The following NPM2 variants were observed in gnomAD, a reference collection of about 807,000 sequenced individuals.
The protein encoded by NPM2 is nucleoplasmin-2.
A neutral mutation model predicts 32.0 loss-of-function variants in NPM2; 25 were observed. The observed-to-expected ratio is 0.78, with a 90% CI of 0.57 to 1.09. The LOEUF is 1.09. Ranked by LOEUF, NPM2 falls within the 50% of genes least tolerant of loss-of-function variation. The pLI, the probability that NPM2 is intolerant of heterozygous loss-of-function variation, is 0.00. For missense variants in NPM2, 282 were observed against 259.9 expected, an observed-to-expected ratio of 1.08 and a Z score of -0.58; for synonymous variants, 111 against 94.2, an observed-to-expected ratio of 1.18 and a Z score of -1.04.
chr8:22,032,761 A>T (rs947423826), intron 5 of NPM2, among the ~76,000 whole-genome samples: 2 of 152,066 alleles, frequency 1.3e-5, no homozygotes, highest in Non-Finnish European at 2.9e-5. Flanking sequence ...TACTAGTTCT[A>T]TCATGAGGGT....
chr8:22,027,403 C>T (rs993772994), intron 5 of NPM2, among the ~76,000 whole-genome samples: 2 of 152,184 alleles, frequency 1.3e-5, no homozygotes, highest in Non-Finnish European at 2.9e-5. Context: ...GACTCAGGAA[C>T]TTATTTCTGT....
rs749393761 is a variant in NPM2, at chr8:22,034,227, C to G, written c.483C>G (p.Val161=). 3 of 1,608,628 alleles carry G rather than the reference C, an allele frequency of 1.9e-6. No individual in the cohort carries two copies. In the East Asian group the frequency reaches 6.7e-5, roughly 36 times the overall value. The change falls in exon 7 of 10, where the codon GTC becomes GTG. Residue 161 remains valine, a synonymous_variant. Coordinates refer to ENST00000518119, the MANE Select transcript of NPM2 (RefSeq NM_001286680.2). ...ADISLEEQSP[V]KQVKRLVPQK... is the part of the protein sequence containing the mutation. ...TATCTCTGGAGGAGCAAAGCCCTGT[C>G]AAACAAGTCAAAAGGCTGGTGCCCC...
chr8:22,033,254 G>A (rs368627748), intron 6 of NPM2, 31 bp downstream of exon 6: 59 of 1,527,818 alleles, frequency 3.9e-5, no homozygotes, highest in African/African-American at 8.2e-5. Flanking sequence ...AGGAAGGTCC[G>A]TGAGTACCGT....
chr8:22,027,513 T>C (rs1169242434), intron 5 of NPM2, among the ~76,000 whole-genome samples: 10 of 152,136 alleles, frequency 6.6e-5, no homozygotes, highest in Non-Finnish European at 1.2e-4. Context: ...AATCCACATA[T>C]TCAATTTTTA....
In NPM2 at chr8:22,025,321, A is replaced by G. The variant is rs754356933; in HGVS notation, c.58+15A>G. On this transcript the variant is annotated intron_variant, in intron 3 of 9. Transcript: ENST00000518119. ...CGTGCTCTGGGGTGAGTGGGGACTC[A>G]GGCTCCTTCCCAGAGACACGCCCCA... 5 of 1,604,086 alleles carry G rather than the reference A, an allele frequency of 3.1e-6. No homozygotes were observed. The highest frequency in any genetic ancestry group is 1.1e-5 in the South Asian group (1 of 89,924).
chr8:22,034,433 C>T lies in NPM2; in HGVS notation c.532-77C>T. 5.6e-6 allele frequency: 8 copies of T among 1,416,084 alleles called. No individual in the cohort carries two copies. In the South Asian group the frequency reaches 7.2e-5, roughly 13 times the overall value. The allele number at this position is 1,416,084 out of a possible 1,614,324, so 87.7% of individuals were successfully genotyped here. On this transcript the variant is annotated intron_variant, in intron 7 of 9. Coordinates refer to ENST00000518119, the MANE Select transcript of NPM2 (RefSeq NM_001286680.2). ...GTTCTGGCCAGGAGCTCAGCGGGGA[C>T]CTTGTGGACTTTGGGAATCTGTTCT...
At position 22,033,358 on chromosome 8, in the gene NPM2, C is replaced by T. The variant is rs563225407; in HGVS notation, c.364+135C>T. ...TCCCCAAAGGCAACATGACAGCCAG[C>T]AGCCTGGACTGGAAGGCAAGGGCGC... On this transcript the variant is annotated intron_variant, in intron 6 of 9. Coordinates refer to ENST00000518119, the MANE Select transcript of NPM2 (RefSeq NM_001286680.2). 3.4e-5 allele frequency: 25 copies of T among 734,074 alleles called. 1 individual carries two copies. Among genetic ancestry groups the T allele is most frequent in the African/African-American group, 3.3e-4 (19 of 57,600 alleles). The allele number at this position is 734,074 out of a possible 1,614,324, so 45.5% of individuals were successfully genotyped here. A position where few individuals can be genotyped will look rare whatever the true frequency, so the allele number is the denominator to read the frequency against.
At position 22,025,501 on chromosome 8, in the gene NPM2, T is replaced by A; in HGVS notation, c.124T>A (p.Cys42Ser). The change falls in exon 4 of 10, where the codon TGC becomes AGC. Residue 42 changes from cysteine to serine, a missense_variant. Cys to Ser is a moderately radical substitution (Grantham distance 112). Transcript: ENST00000518119. The stretch of plus-strand genomic sequence containing the variant: ...ACCCCAGCTGGAGGGGAAGCAGAGC[T>A]GCAGGCTGTTGCTTCATACGGTAGG... ...FRPQLEGKQSCRLLLHTICLG... is the reference protein window; with the variant it reads ...FRPQLEGKQSSRLLLHTICLG... 2 of 1,614,122 alleles carry A rather than the reference T, an allele frequency of 1.2e-6. No homozygotes were observed. The highest frequency in any genetic ancestry group is 1.7e-6 in the Non-Finnish European group (2 of 1,180,002).
intron 6 of NPM2, 140 bp downstream of exon 6, chr8:22,033,363 T>C: frequency 1.4e-6 from 1 of 718,740 alleles, no homozygotes. Flanking sequence ...GCCAGCAGCC[T>C]GGACTGGAAG....
In NPM2 at chr8:22,025,220, C is replaced by A. The variant is rs767878121; in HGVS notation, c.-29C>A. The A allele has an allele frequency of 2.3e-5, 37 of 1,605,134 alleles. No homozygotes were observed. In the South Asian group the frequency reaches 4.0e-4, roughly 17 times the overall value. ...ACGCGGGCGCCCTCCTTGCAGCTGC[C>A]CGGCCAGCCCGCTTCTCTGCCCGGA... On this transcript the variant is annotated 5_prime_UTR_variant, in exon 3 of 10. Transcript: ENST00000518119.
chr8:22,032,138 T>C (rs1800462555), intron 5 of NPM2, among the ~76,000 whole-genome samples: 1 of 152,214 alleles, frequency 6.6e-6, no homozygotes, highest in Admixed American at 6.5e-5. Flanking sequence ...ATAAAGCAGA[T>C]AAAATGCTTA....
chr8:22,028,984 T>C (rs572407965), intron 5 of NPM2, among the ~76,000 whole-genome samples: 1 of 152,182 alleles, frequency 6.6e-6, no homozygotes, highest in African/African-American at 2.4e-5. Context: ...TTAAAGTTCC[T>C]TTTCCCCTTC....
intron 8 of NPM2, among the ~76,000 whole-genome samples, chr8:22,035,275 T>C (rs1298981490): frequency 6.6e-6 from 1 of 152,204 alleles, no homozygotes; most frequent in East Asian, 1.9e-4. Flanking sequence ...TGTATAGTTT[T>C]GGTTTGTTTG....
At position 22,025,222 on chromosome 8, in the gene NPM2, G is replaced by C. The variant is rs181793769; in HGVS notation, c.-27G>C. The C allele has an allele frequency of 3.1e-6, 5 of 1,606,192 alleles. No homozygotes were observed. The highest frequency in any genetic ancestry group is 4.2e-6 in the Non-Finnish European group (5 of 1,177,938). On this transcript the variant is annotated 5_prime_UTR_variant, in exon 3 of 10. Coordinates refer to ENST00000518119, the MANE Select transcript of NPM2 (RefSeq NM_001286680.2). ...GCGGGCGCCCTCCTTGCAGCTGCCC[G>C]GCCAGCCCGCTTCTCTGCCCGGAGC...
At chr8:22,026,232 C>T (rs1017801999) in intron 5 of NPM2, among the ~76,000 whole-genome samples, 1 of 152,026 alleles carries the variant, frequency 6.6e-6, no homozygotes, top group Non-Finnish European at 1.5e-5. Context: ...GCAGTTTCAT[C>T]CCAAAACCAC....
chr8:22,027,361 C>T (rs1208267655), intron 5 of NPM2, among the ~76,000 whole-genome samples: 5 of 152,152 alleles, frequency 3.3e-5, no homozygotes, highest in African/African-American at 1.2e-4. Context: ...TCATCCTTTC[C>T]TGTGGTTTTC....
chr8:22,029,202 G>A (rs901353764), intron 5 of NPM2, among the ~76,000 whole-genome samples: 2 of 152,030 alleles, frequency 1.3e-5, no homozygotes, highest in African/African-American at 4.8e-5. Flanking sequence ...GTGCAGTGGT[G>A]CAATCTTGAC....
At chr8:22,032,734 G>A (rs1042472097) in intron 5 of NPM2, among the ~76,000 whole-genome samples, 1 of 152,168 alleles carries the variant, frequency 6.6e-6, no homozygotes. Flanking sequence ...GTTCTCTAGT[G>A]TCTCTTTTTG....
At chr8:22,027,763 C>T (rs540814064) in intron 5 of NPM2, among the ~76,000 whole-genome samples, 15 of 152,252 alleles carry the variant, frequency 9.9e-5, no homozygotes, top group Non-Finnish European at 1.5e-4. Context: ...TGTTCCACTA[C>T]GCCAGGCTAA....
Sources: allele counts gnomAD v4.1 joint callset (sites outside exome capture counted in the v4.1 genomes callset), GRCh38; gene constraint gnomAD v4.1.1; transcripts MANE v1.5; gene names NCBI Gene and HGNC (gene_info 2026-07-23, HGNC 2026-07-21).